Variants in ESR1 observed in about 807,000 individuals in gnomAD.
ESR1 encodes estrogen receptor.
In ESR1, 12 loss-of-function variants were observed where a neutral mutation model predicts 52.7. That is an observed-to-expected ratio of 0.23 (90% CI 0.15 to 0.37). The LOEUF (loss-of-function observed/expected upper bound fraction) is 0.37. ESR1 is among the 10% of genes least tolerant of loss of function. The probability of loss-of-function intolerance (pLI) is 1.00; values close to 1 mark genes in which losing one functional copy is unlikely to be tolerated. For missense variants in ESR1, 584 were observed against 779.7 expected, an observed-to-expected ratio of 0.75 and a Z score of 2.99; for synonymous variants, 305 against 316.8, an observed-to-expected ratio of 0.96 and a Z score of 0.39.
Position 152,125,387 on chromosome 6 carries a change from A to G in ESR1, c.*39A>G, listed in dbSNP as rs1257179602. The G allele has an allele frequency of 2.6e-6, 4 of 1,536,598 alleles. No individual in the cohort carries two copies. The African/African-American group carries it at 5.5e-5, about 21-fold the overall frequency. On this transcript the variant is annotated 3_prime_UTR_variant, in exon 7 of 7. Transcript: ENST00000427531. Reference sequence around the variant, plus strand: ...AAGGCCTCACAGTATCCTGCAGATCATCAAATCCGTGTGTGGACGTGGGGA... The same window carrying G: ...AAGGCCTCACAGTATCCTGCAGATCGTCAAATCCGTGTGTGGACGTGGGGA...
intron 6 of ESR1, among the ~76,000 whole-genome samples, chr6:152,080,943 C>A (rs1400971109): frequency 6.6e-6 from 1 of 152,130 alleles, no homozygotes; most frequent in East Asian, 1.9e-4. Context: ...TATATATGCA[C>A]CCAGTACAGG....
chr6:151,762,044 C>G lies in ESR1; in HGVS notation c.-70-45799C>G, dbSNP rs139114518. On this transcript the variant is annotated intron_variant, in intron 2 of 2. Transcript: ENST00000404742. ...AGAACCCTCTGGGGAGGTTAAAAGT[C>G]CCAGTGAAATCACAACCTCTGCAGA... 2.6e-3 allele frequency among the ~76,000 whole-genome samples: 389 copies of G among 152,282 alleles called. 4 individuals are homozygous for G. The highest frequency in any genetic ancestry group is 9.1e-3 in the African/African-American group (377 of 41,554).
chr6:151,791,849 C>A (rs1391802292), intron 2 of ESR1, among the ~76,000 whole-genome samples: 2 of 151,706 alleles, frequency 1.3e-5, no homozygotes, highest in South Asian at 4.2e-4. Context: ...TCAAAAAAAA[C>A]CTTTTATCTA....
intron 2 of ESR1, among the ~76,000 whole-genome samples, chr6:151,740,768 T>C (rs1196489197): frequency 1.3e-5 from 2 of 152,184 alleles, no homozygotes; most frequent in African/African-American, 4.8e-5. Context: ...TTCTATTTGA[T>C]TCTGTTGATT....
upstream of ESR1, among the ~76,000 whole-genome samples, chr6:151,686,072 T>C (rs1171730536): frequency 6.9e-6 from 1 of 145,240 alleles, no homozygotes; most frequent in Non-Finnish European, 1.5e-5. Flanking sequence ...CAATTTTTTT[T>C]TTTTTTTTTT....
intron 2 of ESR1, among the ~76,000 whole-genome samples, chr6:151,783,053 T>G (rs980451701): frequency 3.3e-5 from 5 of 152,256 alleles, no homozygotes; most frequent in African/African-American, 9.6e-5. Flanking sequence ...GTATATGTAA[T>G]ATTATTGATA....
At chr6:152,013,474 T>C (rs1015382087) in intron 5 of ESR1, among the ~76,000 whole-genome samples, 2 of 152,196 alleles carry the variant, frequency 1.3e-5, no homozygotes, top group Admixed American at 6.5e-5. Context: ...ATTTTTATAA[T>C]GTTGACACAA....
At chr6:151,830,389 G>T (rs186886044) in intron 1 of ESR1, among the ~76,000 whole-genome samples, 5 of 152,098 alleles carry the variant, frequency 3.3e-5, no homozygotes, top group African/African-American at 9.7e-5. Flanking sequence ...AATGAATTTC[G>T]TAGTAATTCT....
chr6:151,923,328 T>G (rs373117879), intron 3 of ESR1, among the ~76,000 whole-genome samples: 9 of 152,328 alleles, frequency 5.9e-5, no homozygotes, highest in Admixed American at 2.0e-4. Context: ...TTGTGGTCTA[T>G]TCTTTGTTCT....
intron 2 of ESR1, among the ~76,000 whole-genome samples, chr6:151,712,134 G>A (rs1780661274): frequency 6.6e-6 from 1 of 152,082 alleles, no homozygotes; most frequent in Non-Finnish European, 1.5e-5. Context: ...TGTCAGGTTT[G>A]CCAAAGATCA....
intron 2 of ESR1, among the ~76,000 whole-genome samples, chr6:151,845,341 C>T (rs1439131312): frequency 1.3e-5 from 2 of 152,208 alleles, no homozygotes; most frequent in East Asian, 1.9e-4. Context: ...GAGGCTGAGG[C>T]GAGTGGATCA....
chr6:151,713,492 A>G (rs1359122107), intron 2 of ESR1, among the ~76,000 whole-genome samples: 2 of 152,200 alleles, frequency 1.3e-5, no homozygotes, highest in African/African-American at 4.8e-5. Context: ...TTGGTAGGCT[A>G]TTAATTCCTG....
At chr6:151,850,073 TAA>T (rs71835211) in intron 2 of ESR1, among the ~76,000 whole-genome samples, 921 of 71,978 alleles carry the variant, frequency 0.013, 29 homozygotes, top group African/African-American at 0.073. Context: ...TATATATATA[TAA>T]AAAATTATAT....
intron 2 of ESR1, among the ~76,000 whole-genome samples, chr6:151,762,057 C>T (rs1226942764): frequency 6.6e-6 from 1 of 152,224 alleles, no homozygotes. Context: ...AGTGAAATCA[C>T]AACCTCTGCA....
intron 1 of ESR1, among the ~76,000 whole-genome samples, chr6:151,666,747 G>A (rs1427715790): frequency 9.4e-6 from 1 of 106,724 alleles, no homozygotes; most frequent in Non-Finnish European, 1.9e-5. Flanking sequence ...CTCCTCCAGG[G>A]AACATATAGT....
At chr6:151,879,421 TG>T (rs1792405453) in intron 2 of ESR1, among the ~76,000 whole-genome samples, 1 of 152,108 alleles carries the variant, frequency 6.6e-6, no homozygotes, top group South Asian at 2.1e-4. Context: ...GGAGATTTCA[TG>T]TGCAGACGTT....
chr6:151,944,096 T>A, intron 3 of ESR1, 77 bp from the exon 4 acceptor site: 2 of 1,261,690 alleles, frequency 1.6e-6, no homozygotes, highest in Middle Eastern at 3.7e-4. Flanking sequence ...GAAAGCTGGT[T>A]AGCTTTGAAA....
Position 151,944,516 on chromosome 6 carries a change from T to G in ESR1, c.1096+8T>G. 1 of 1,613,364 alleles carries G rather than the reference T, an allele frequency of 6.2e-7. No homozygotes were observed. The highest frequency in any genetic ancestry group is 8.5e-7 in the Non-Finnish European group (1 of 1,179,306). On this transcript the variant is annotated splice_region_variant and intron_variant, in intron 4 of 7. Transcript: ENST00000206249. ...GGGCGAAGAGGGTGCCAGGTAAGAA[T>G]GCGAAGCGCAGCTTTTAAGAGTCAA...
chr6:151,754,484 A>G (rs1348844834), intron 2 of ESR1, among the ~76,000 whole-genome samples: 1 of 152,208 alleles, frequency 6.6e-6, no homozygotes, highest in Non-Finnish European at 1.5e-5. Flanking sequence ...GATTTCTCTC[A>G]GGCTAGTGCC....
Sources: allele counts gnomAD v4.1 joint callset (sites outside exome capture counted in the v4.1 genomes callset), GRCh38; gene constraint gnomAD v4.1.1; transcripts MANE v1.5; gene names NCBI Gene and HGNC (gene_info 2026-07-23, HGNC 2026-07-21).